The following NSDHL variants were observed in gnomAD, a reference collection of about 807,000 sequenced individuals.
The protein encoded by NSDHL is sterol-4-alpha-carboxylate 3-dehydrogenase, decarboxylating.
NSDHL carries 1 observed loss-of-function variant against 23.0 expected under a neutral mutation model. That is an observed-to-expected ratio of 0.04 (90% CI 0.02 to 0.21). The LOEUF (loss-of-function observed/expected upper bound fraction) is 0.21. NSDHL is among the 10% of genes least tolerant of loss of function. NSDHL has a pLI of 1.00. For missense variants in NSDHL, 237 were observed against 300.9 expected (o/e 0.79, Z 1.57); for synonymous variants, 128 against 121.1 (o/e 1.06, Z -0.37).
intron 4 of NSDHL, among the ~76,000 whole-genome samples, chrX:152,859,775 T>C (rs1314860977): frequency 2.7e-5 from 3 of 112,687 alleles, no homozygotes; most frequent in Non-Finnish European, 5.6e-5. Flanking sequence ...ATACTAGTTC[T>C]ACGTTTAACC....
chrX:152,856,682 C>T (rs1418109126), intron 3 of NSDHL, among the ~76,000 whole-genome samples: 1 of 112,502 alleles, frequency 8.9e-6, no homozygotes, highest in African/African-American at 3.2e-5. Context: ...AAGGGCTTCC[C>T]CTGGCCAAAT....
At chrX:152,843,927 G>T (rs1054841344) in intron 1 of NSDHL, among the ~76,000 whole-genome samples, 3 of 111,815 alleles carry the variant, frequency 2.7e-5, no homozygotes, top group African/African-American at 9.8e-5. Flanking sequence ...TAGTTGTTGC[G>T]ACAACCCCAG....
chrX:152,834,388 A>G (rs1933060198), intron 1 of NSDHL, among the ~76,000 whole-genome samples: 1 of 112,980 alleles, frequency 8.9e-6, no homozygotes, highest in Admixed American at 9.3e-5. Flanking sequence ...AAATAGAGAA[A>G]CAAACAACTG....
intron 1 of NSDHL, among the ~76,000 whole-genome samples, chrX:152,841,262 T>C (rs1449059223): frequency 8.9e-6 from 1 of 112,989 alleles, no homozygotes; most frequent in African/African-American, 3.2e-5. Flanking sequence ...TTGCACTTCC[T>C]GGGTAAGGCA....
chrX:152,842,075 G>A (rs970394464), intron 1 of NSDHL, among the ~76,000 whole-genome samples: 4 of 112,375 alleles, frequency 3.6e-5, no homozygotes, highest in Non-Finnish European at 5.6e-5. Context: ...GAATATGCCC[G>A]TGTGTGGCTA....
intron 2 of NSDHL, among the ~76,000 whole-genome samples, chrX:152,846,748 C>T (rs982732453): frequency 2.7e-5 from 3 of 112,129 alleles, no homozygotes; most frequent in African/African-American, 9.7e-5. Context: ...CCCAGGTGGC[C>T]TTGCTCACAC....
intron 3 of NSDHL, among the ~76,000 whole-genome samples, chrX:152,856,808 G>C (rs1401843083): frequency 2.7e-5 from 3 of 113,134 alleles, no homozygotes; most frequent in Non-Finnish European, 5.6e-5. Flanking sequence ...TGCAATGCCA[G>C]CACTTTGGGA....
In NSDHL at chrX:152,868,896, A is replaced by C; in HGVS notation, c.902A>C (p.Tyr301Ser). ...TACCACATCCCCTACTGGGTGGCCT[A>C]CTACCTGGCCCTCCTGCTATCCCTG... ...PKYHIPYWVA[Y>S]YLALLLSLLV... Residue 301 changes from tyrosine (Y) to serine (S), a missense_variant, in exon 8 of 8, where the codon TAC becomes TCC. By Grantham distance (144) the Tyr-to-Ser change is moderately radical. Transcript: ENST00000370274. 8.3e-7 allele frequency: 1 copy of C among 1,211,662 alleles called. No homozygotes were observed.
chrX:152,862,784 T>A, intron 5 of NSDHL, 60 bp downstream of exon 5: 2 of 1,097,914 alleles, frequency 1.8e-6, no homozygotes, highest in Non-Finnish European at 2.5e-6. Context: ...CTAAGAAAAA[T>A]GTTTATGAAC....
intron 2 of NSDHL, among the ~76,000 whole-genome samples, chrX:152,848,092 G>A (rs1249948783): frequency 9.0e-6 from 1 of 110,600 alleles, no homozygotes; most frequent in Non-Finnish European, 1.9e-5. Flanking sequence ...TCGAACCCCT[G>A]ACCTCAGGTG....
chrX:152,857,021 G>A (rs1426195845), intron 3 of NSDHL, among the ~76,000 whole-genome samples: 1 of 112,678 alleles, frequency 8.9e-6, no homozygotes, highest in Non-Finnish European at 1.9e-5. Context: ...CTCCAGCCTT[G>A]CCGACAGAGC....
intron 2 of NSDHL, 79 bp from the exon 3 acceptor site, chrX:152,850,186 T>C: frequency 4.9e-6 from 5 of 1,010,630 alleles, no homozygotes; most frequent in Non-Finnish European, 7.0e-6. Flanking sequence ...TTGCAGTGGC[T>C]CATGATATGT....
At chrX:152,861,457 G>A (rs1433309672) in intron 4 of NSDHL, among the ~76,000 whole-genome samples, 2 of 112,602 alleles carry the variant, frequency 1.8e-5, no homozygotes, top group Admixed American at 9.4e-5. Flanking sequence ...GATAAATCAC[G>A]CCCCCAACCA....
At chrX:152,842,270 T>C (rs1168834310) in intron 1 of NSDHL, among the ~76,000 whole-genome samples, 3 of 111,742 alleles carry the variant, frequency 2.7e-5, no homozygotes, top group Non-Finnish European at 5.6e-5. Context: ...CTCTGTTTAA[T>C]TTTTTTGAGG....
Position 152,839,846 on chromosome X carries a change from G to T in NSDHL, c.-43-6436G>T, listed in dbSNP as rs1340111922. ...ATTTCCTAAATTTGAATGTTGGCCT[G>T]CCTTGCTAGGTTGGGGAAGTTCTCC... On this transcript the variant is annotated intron_variant, in intron 1 of 7. Coordinates refer to ENST00000370274, the MANE Select transcript of NSDHL (RefSeq NM_015922.3). 2.7e-5 allele frequency among the ~76,000 whole-genome samples: 3 copies of T among 112,232 alleles called. No homozygotes were observed. The Admixed American group carries it at 2.8e-4, about 11-fold the overall frequency.
intron 1 of NSDHL, among the ~76,000 whole-genome samples, chrX:152,840,539 T>C (rs1602924863): frequency 8.9e-6 from 1 of 112,509 alleles, no homozygotes; most frequent in African/African-American, 3.2e-5. Flanking sequence ...TGTTTGTTAG[T>C]TTTCCTTCTA....
At chrX:152,845,582 A>AT (rs1933259047) in intron 1 of NSDHL, among the ~76,000 whole-genome samples, 1 of 111,529 alleles carries the variant, frequency 9.0e-6, no homozygotes, top group South Asian at 3.8e-4. Context: ...ACGTTGTCGG[A>AT]TTTTATTGCT....
At chrX:152,834,285 G>A (rs1933058606) in intron 1 of NSDHL, among the ~76,000 whole-genome samples, 1 of 113,018 alleles carries the variant, frequency 8.8e-6, no homozygotes, top group Non-Finnish European at 1.9e-5. Flanking sequence ...TCCATGCAGA[G>A]GAACAGCGTA....
chrX:152,834,522 C>T (rs1156257204), intron 1 of NSDHL, among the ~76,000 whole-genome samples: 2 of 112,963 alleles, frequency 1.8e-5, no homozygotes, highest in Non-Finnish European at 3.7e-5. Flanking sequence ...CTCACTAATC[C>T]TAATCTGGGT....
Sources: gnomAD v4.1 joint callset for allele counts (sites outside exome capture counted in the v4.1 genomes callset) on GRCh38, gnomAD v4.1.1 for gene constraint, MANE v1.5 for transcripts, NCBI Gene and HGNC (gene_info 2026-07-23, HGNC 2026-07-21) for gene names.